TRPC6: variants seen among roughly 807,000 people sequenced by gnomAD.
TRPC6 encodes short transient receptor potential channel 6.
In TRPC6, 55 loss-of-function variants were observed where a neutral mutation model predicts 90.7. The observed-to-expected ratio is 0.61, with a 90% CI of 0.49 to 0.76. The LOEUF (loss-of-function observed/expected upper bound fraction) is 0.76, where lower values mean the gene tolerates loss of function less well. Among genes scored for constraint, TRPC6 ranks in the 30% least tolerant of loss-of-function variants. The pLI is 0.00. For synonymous variants in TRPC6, 393 were observed against 393.0 expected (o/e 1.00, Z 0.00); for missense variants, 989 against 1,122.7 (o/e 0.88, Z 1.70).
At chr11:101,486,962 G>A (rs1244141006) in intron 4 of TRPC6, among the ~76,000 whole-genome samples, 1 of 152,080 alleles carries the variant, frequency 6.6e-6, no homozygotes, top group Non-Finnish European at 1.5e-5. Context: ...CCTTGACAAT[G>A]TCCTTTTAAT....
chr11:101,483,118 T>C lies in TRPC6; in HGVS notation c.1341A>G (p.Ala447=), dbSNP rs753166221. 4.3e-6 allele frequency: 7 copies of C among 1,614,076 alleles called. No individual in the cohort carries two copies. Among genetic ancestry groups the C allele is most frequent in the Non-Finnish European group, 5.9e-6 (7 of 1,179,956 alleles). Residue 447 remains alanine (A), a synonymous_variant, in exon 5 of 13, where the codon GCA becomes GCG. Transcript: ENST00000344327. Reference sequence around the variant, plus strand: ...GTCCCAGAAAAATGGTGAAGGAGGCTGCGTGTGCTACAAACTTCATGAATG... The same window carrying C: ...GTCCCAGAAAAATGGTGAAGGAGGCCGCGTGTGCTACAAACTTCATGAATG... ...RGPFMKFVAH[A]ASFTIFLGLL...
Position 101,504,514 on chromosome 11 carries a change from A to G in TRPC6, c.455T>C (p.Leu152Pro), listed in dbSNP as rs878853207. The stretch of plus-strand genomic sequence containing the variant: ...TCGAGAGAGGTTTTCTTTCTTGAGA[A>G]GAAGTTCTGTAATTTCCAGATGCTC... ...ANEHLEITEL[L>P]LKKENLSRVG... The change falls in exon 2 of 13, where the codon CTT becomes CCT. Residue 152 changes from leucine to proline, a missense_variant. Physicochemically the swap from Leu to Pro is moderately conservative, Grantham distance 98. This residue lies in a region of TRPC6 where 486 missense variants were observed against 591.9 expected (regional missense o/e 0.82). Coordinates refer to ENST00000344327, the MANE Select transcript of TRPC6 (RefSeq NM_004621.6). 6.2e-7 allele frequency: 1 copy of G among 1,614,120 alleles called. No individual in the cohort carries two copies.
chr11:101,476,415 T>C lies in TRPC6; in HGVS notation c.1630A>G (p.Arg544Gly). The part of the protein sequence containing the change: ...LAIFAASFIA[R>G]FMAFWHASKA... ...GAAGCATGCCAAAATGCCATGAATC[T>C]CGCAATGAATGATGCTGCGAAAATT... is the stretch of plus-strand genomic sequence containing the variant. Residue 544 changes from arginine to glycine, a missense_variant, in exon 6 of 13, where the codon AGA becomes GGA. Arg to Gly is a moderately radical substitution (Grantham distance 125, BLOSUM62 -2). Coordinates refer to ENST00000344327, the MANE Select transcript of TRPC6 (RefSeq NM_004621.6). The C allele has an allele frequency of 6.2e-7, 1 of 1,614,124 alleles. No individual in the cohort carries two copies. Among genetic ancestry groups the C allele is most frequent in the Non-Finnish European group, 8.5e-7 (1 of 1,180,004 alleles).
intron 1 of TRPC6, among the ~76,000 whole-genome samples, chr11:101,562,466 G>T (rs1247492744): frequency 1.3e-5 from 2 of 151,900 alleles, no homozygotes; most frequent in African/African-American, 4.8e-5. Context: ...TTCTTTCTCT[G>T]TTCTCTTTTT....
intron 1 of TRPC6, among the ~76,000 whole-genome samples, chr11:101,512,441 T>A (rs1860414913): frequency 6.6e-6 from 1 of 152,208 alleles, no homozygotes; most frequent in African/African-American, 2.4e-5. Context: ...TCAAACTGTG[T>A]GAGAGAATGA....
In TRPC6 at chr11:101,496,828, G is replaced by C. The variant is rs141238499; in HGVS notation, c.946-5090C>G. Among the ~76,000 whole-genome samples, 683 of 152,310 alleles carry C rather than the reference G, an allele frequency of 4.5e-3. 3 individuals are homozygous for C. The highest frequency in any genetic ancestry group is 0.016 in the African/African-American group (650 of 41,586). On this transcript the variant is annotated intron_variant, in intron 2 of 12. Coordinates refer to ENST00000344327, the MANE Select transcript of TRPC6 (RefSeq NM_004621.6). ...CATAGACCTACAGTCCTGTGAGAAT[G>C]AGATTTTCTCTGCCCATCTGTTTCA...
intron 1 of TRPC6, among the ~76,000 whole-genome samples, chr11:101,563,224 G>A (rs888235388): frequency 3.9e-5 from 6 of 152,168 alleles, no homozygotes; most frequent in African/African-American, 1.4e-4. Flanking sequence ...ACCACATAGT[G>A]TTGTACTAGA....
chr11:101,573,944 G>GTGTGTA (rs375584806), intron 1 of TRPC6, among the ~76,000 whole-genome samples: 1,749 of 130,164 alleles, frequency 0.013, 39 homozygotes, highest in Non-Finnish European at 0.019. Context: ...GTGTGTGTGT[G>GTGTGTA]TGTGTGTGTG....
chr11:101,526,191 A>G (rs1860775382), intron 1 of TRPC6, among the ~76,000 whole-genome samples: 1 of 152,156 alleles, frequency 6.6e-6, no homozygotes, highest in Non-Finnish European at 1.5e-5. Context: ...TCTCTTTTTA[A>G]CAATGACCAC....
At chr11:101,530,104 C>T (rs1860875525) in intron 1 of TRPC6, among the ~76,000 whole-genome samples, 1 of 152,168 alleles carries the variant, frequency 6.6e-6, no homozygotes, top group Non-Finnish European at 1.5e-5. Flanking sequence ...CTCATCTAGT[C>T]TGAGACCAAT....
intron 1 of TRPC6, among the ~76,000 whole-genome samples, chr11:101,576,431 G>C (rs992503888): frequency 1.3e-5 from 2 of 152,182 alleles, no homozygotes; most frequent in African/African-American, 2.4e-5. Flanking sequence ...TTGAGTATGT[G>C]TAACACTCAT....
intron 5 of TRPC6, 115 bp from the exon 6 acceptor site, chr11:101,476,649 G>T (rs1414157930): frequency 1.1e-6 from 1 of 905,568 alleles, no homozygotes. Context: ...TTCAAAATTT[G>T]GTCCCAACCT....
intron 1 of TRPC6, among the ~76,000 whole-genome samples, chr11:101,568,678 C>T (rs1861889096): frequency 1.3e-5 from 2 of 152,166 alleles, no homozygotes; most frequent in Admixed American, 1.3e-4. Context: ...GGCAGAAACC[C>T]TACAAGCTAG....
chr11:101,479,740 G>GTGTT (rs1439452625), intron 5 of TRPC6, among the ~76,000 whole-genome samples: 1 of 152,166 alleles, frequency 6.6e-6, no homozygotes, highest in Admixed American at 6.5e-5. Context: ...TAAATAAACA[G>GTGTT]TGTTAGCTAG....
chr11:101,543,002 T>C lies in TRPC6; in HGVS notation c.171-38204A>G, dbSNP rs71476680. On this transcript the variant is annotated intron_variant, in intron 1 of 12. Coordinates refer to ENST00000344327, the MANE Select transcript of TRPC6 (RefSeq NM_004621.6). ...TCAAGAAAATGCTAAAAACAAATTA[T>C]AGACAGAAAATATTTACAAAATACA... is the stretch of plus-strand genomic sequence containing the variant. Among the ~76,000 whole-genome samples the C allele has an allele frequency of 4.1e-3, 624 of 152,202 alleles. 4 individuals are homozygous for C. Among genetic ancestry groups the C allele is most frequent in the Middle Eastern group, 0.024 (7 of 292 alleles).
At chr11:101,530,383 G>C (rs550368711) in intron 1 of TRPC6, among the ~76,000 whole-genome samples, 3 of 152,086 alleles carry the variant, frequency 2.0e-5, no homozygotes, top group Admixed American at 1.3e-4. Flanking sequence ...ATTGTGATCC[G>C]TGATCAGTTC....
chr11:101,531,535 G>T (rs1231381801), intron 1 of TRPC6, among the ~76,000 whole-genome samples: 1 of 152,144 alleles, frequency 6.6e-6, no homozygotes, highest in Non-Finnish European at 1.5e-5. Flanking sequence ...TTCTAAAAAA[G>T]AATTTGACTC....
Position 101,526,733 on chromosome 11 carries a change from G to A in TRPC6, c.171-21935C>T, listed in dbSNP as rs1007378848. On this transcript the variant is annotated intron_variant, in intron 1 of 12. Transcript: ENST00000344327. The stretch of plus-strand genomic sequence containing the variant: ...CAAAAAATTAGCTGGGCGTGGTGGC[G>A]GGTGCCTGTAATCCCAGCTACTCGG... 7.3e-5 allele frequency among the ~76,000 whole-genome samples: 11 copies of A among 151,260 alleles called. No homozygotes were observed. The East Asian group carries it at 9.7e-4, about 13-fold the overall frequency.
At chr11:101,572,716 G>C in intron 1 of TRPC6, among the ~76,000 whole-genome samples, 1 of 152,158 alleles carries the variant, frequency 6.6e-6, no homozygotes, top group East Asian at 1.9e-4. Flanking sequence ...TAGGGACATG[G>C]ATGAAGTTGG....
Sources: gnomAD v4.1 joint callset for allele counts (sites outside exome capture counted in the v4.1 genomes callset) on GRCh38, gnomAD v4.1.1 for gene constraint, gnomAD v4.1.1 regional missense constraint, MANE v1.5 for transcripts, NCBI Gene and HGNC (gene_info 2026-07-23, HGNC 2026-07-21) for gene names.